Variants in KLRG2 observed in about 807,000 individuals in gnomAD.
KLRG2 encodes the protein killer cell lectin like receptor G2, also known as killer cell lectin-like receptor subfamily G member 2.
In KLRG2, 39 loss-of-function variants were observed where a neutral mutation model predicts 35.4. The observed-to-expected ratio is 1.10, with a 90% CI of 0.85 to 1.44. The LOEUF (loss-of-function observed/expected upper bound fraction) is 1.44, where lower values mean the gene tolerates loss of function less well. KLRG2 is among the 40% of genes most tolerant of loss of function. KLRG2 has a pLI of 0.00. For synonymous variants in KLRG2, 283 were observed against 265.8 expected (o/e 1.06, Z -0.63); for missense variants, 632 against 570.9 (o/e 1.11, Z -1.09).
At chr7:139,469,725 T>C (rs1460947442) in intron 3 of KLRG2, among the ~76,000 whole-genome samples, 1 of 152,236 alleles carries the variant, frequency 6.6e-6, no homozygotes, top group Non-Finnish European at 1.5e-5. Context: ...ATTACAGGCG[T>C]GAGCCACTAC....
chr7:139,440,143 T>A, the KLRG2 span, among the ~76,000 whole-genome samples: 2 of 152,164 alleles, frequency 1.3e-5, no homozygotes, highest in African/African-American at 2.4e-5. Flanking sequence ...AGAGTCTTGC[T>A]CTGTCGCCCA....
chr7:139,470,821 GA>G (rs1796742462), intron 3 of KLRG2, among the ~76,000 whole-genome samples: 1 of 150,866 alleles, frequency 6.6e-6, no homozygotes, highest in South Asian at 2.1e-4. Flanking sequence ...AATAAAACCA[GA>G]TTAGGAAACA....
At chr7:139,456,938 A>G (rs1426977541) in intron 3 of KLRG2, among the ~76,000 whole-genome samples, 2 of 123,684 alleles carry the variant, frequency 1.6e-5, no homozygotes, top group Non-Finnish European at 3.1e-5. Context: ...CTCACTGCCA[A>G]AAATCAGCAG....
Position 139,482,886 on chromosome 7 carries a change from C to T in KLRG2, c.757G>A (p.Gly253Arg), listed in dbSNP as rs1314983726. ...GCTGCCGGCGCAGGTGAGCACTCACCCGTAAGCGTTACGGCCCGGGGCAGC... is the reference window on the plus strand; with the variant it reads ...GCTGCCGGCGCAGGTGAGCACTCACTCGTAAGCGTTACGGCCCGGGGCAGC... ...EKLPRAVTLT[G>R]LPMYVKSLYW... is the part of the protein sequence containing the mutation. Residue 253 changes from glycine (G) to arginine (R), a missense_variant and splice_region_variant, in exon 1 of 5, where the codon GGG (glycine) becomes AGG (arginine). Gly to Arg is a moderately radical substitution (Grantham distance 125). Transcript: ENST00000340940. 6 of 1,467,288 alleles carry T rather than the reference C, an allele frequency of 4.1e-6. No homozygotes were observed. The highest frequency in any genetic ancestry group is 4.5e-6 in the Non-Finnish European group (5 of 1,121,102). The allele number at this position is 1,467,288 out of a possible 1,614,324, so 90.9% of individuals were successfully genotyped here. A position where few individuals can be genotyped will look rare whatever the true frequency, so the allele number is the denominator to read the frequency against.
chr7:139,471,893 G>A (rs1174115377), intron 3 of KLRG2, among the ~76,000 whole-genome samples: 1 of 152,002 alleles, frequency 6.6e-6, no homozygotes, highest in Non-Finnish European at 1.5e-5. Flanking sequence ...GTGTGTCTCA[G>A]AGAGGTGTGG....
intron 3 of KLRG2, among the ~76,000 whole-genome samples, chr7:139,477,427 C>T (rs1043751875): frequency 3.3e-5 from 5 of 152,120 alleles, no homozygotes; most frequent in Non-Finnish European, 5.9e-5. Flanking sequence ...ATACAGGCTA[C>T]GACACGGGTG....
chr7:139,464,369 C>A (rs957781895), intron 3 of KLRG2, among the ~76,000 whole-genome samples: 8 of 152,190 alleles, frequency 5.3e-5, no homozygotes, highest in Admixed American at 5.2e-4. Flanking sequence ...TACAATTCCC[C>A]CATTTTACCT....
chr7:139,471,284 T>G (rs777883842), intron 3 of KLRG2, among the ~76,000 whole-genome samples: 27 of 152,198 alleles, frequency 1.8e-4, no homozygotes, highest in Non-Finnish European at 2.9e-4. Context: ...AATGTTTATG[T>G]TTTCCAAACT....
At chr7:139,447,464 G>A in the KLRG2 span, among the ~76,000 whole-genome samples, 2 of 149,050 alleles carry the variant, frequency 1.3e-5, no homozygotes, top group African/African-American at 2.5e-5. Context: ...GCAGTGGTAC[G>A]ATCTCAGCTC....
chr7:139,452,258 G>A (rs1201528169), downstream of KLRG2, among the ~76,000 whole-genome samples: 3 of 152,094 alleles, frequency 2.0e-5, no homozygotes, highest in East Asian at 3.9e-4. Flanking sequence ...TTACAGGCAT[G>A]AGCCACCGTG....
intron 3 of KLRG2, among the ~76,000 whole-genome samples, chr7:139,471,983 C>T (rs941030985): frequency 3.3e-5 from 5 of 152,196 alleles, no homozygotes; most frequent in Non-Finnish European, 5.9e-5. Flanking sequence ...CAGACTGTTT[C>T]GGAGCTGTCA....
chr7:139,480,783 G>A (rs1409259479), intron 1 of KLRG2, among the ~76,000 whole-genome samples: 13 of 127,162 alleles, frequency 1.0e-4, no homozygotes, highest in African/African-American at 3.1e-4. Context: ...TCTTTCTATC[G>A]CCCAGGCTGG....
chr7:139,480,533 C>T (rs1796938975), intron 1 of KLRG2, among the ~76,000 whole-genome samples: 2 of 145,382 alleles, frequency 1.4e-5, no homozygotes, highest in South Asian at 4.3e-4. Context: ...GCAACCTCTG[C>T]CTCCCGGGTT....
chr7:139,482,514 T>A (rs1405900032), intron 1 of KLRG2, among the ~76,000 whole-genome samples: 1 of 152,108 alleles, frequency 6.6e-6, no homozygotes, highest in East Asian at 1.9e-4. Flanking sequence ...TGTCTCAGCC[T>A]CCTGAGTAGC....
the KLRG2 span, among the ~76,000 whole-genome samples, chr7:139,431,027 A>T: frequency 6.6e-6 from 1 of 151,890 alleles, no homozygotes; most frequent in African/African-American, 2.4e-5. Flanking sequence ...AAAAAAAAAA[A>T]AAAGGTTAAA....
the KLRG2 span, among the ~76,000 whole-genome samples, chr7:139,442,903 T>A: frequency 6.0e-5 from 9 of 150,902 alleles, no homozygotes; most frequent in Non-Finnish European, 1.2e-4. Flanking sequence ...AATCCTGAAA[T>A]CATAAAAAGG....
chr7:139,464,482 C>T (rs1408336368), intron 3 of KLRG2, among the ~76,000 whole-genome samples: 1 of 152,132 alleles, frequency 6.6e-6, no homozygotes, highest in Non-Finnish European at 1.5e-5. Context: ...ATATACTCTC[C>T]TATCCTCAAT....
chr7:139,445,738 A>C, the KLRG2 span, among the ~76,000 whole-genome samples: 4 of 122,336 alleles, frequency 3.3e-5, no homozygotes, highest in Admixed American at 7.7e-5. Flanking sequence ...AGGCCTATAG[A>C]GTCCTTCCTA....
At chr7:139,435,645 C>G in the KLRG2 span, among the ~76,000 whole-genome samples, 1 of 152,182 alleles carries the variant, frequency 6.6e-6, no homozygotes, top group Admixed American at 6.5e-5. Context: ...ACTGATCTCT[C>G]TAGCATGAGC....
Sources: allele counts gnomAD v4.1 joint callset (sites outside exome capture counted in the v4.1 genomes callset), GRCh38; gene constraint gnomAD v4.1.1; transcripts MANE v1.5; gene names NCBI Gene and HGNC (gene_info 2026-07-23, HGNC 2026-07-21).